The following CADM1 variants were observed in gnomAD, a reference collection of about 807,000 sequenced individuals.
CADM1 encodes TSLC-1.
In CADM1, 15 loss-of-function variants were observed where a neutral mutation model predicts 53.1. That is an observed-to-expected ratio of 0.28 (90% CI 0.19 to 0.44). CADM1 has a LOEUF of 0.44. Ranked by LOEUF, CADM1 falls within the 20% of genes least tolerant of loss-of-function variation. The pLI is 1.00. For missense variants in CADM1, 434 were observed against 611.3 expected (o/e 0.71, Z 3.06); for synonymous variants, 281 against 243.0 (o/e 1.16, Z -1.45).
intron 8 of CADM1, among the ~76,000 whole-genome samples, 198 bp downstream of exon 8, chr11:115,209,376 C>T (rs753151311): frequency 7.2e-5 from 11 of 152,160 alleles, no homozygotes; most frequent in African/African-American, 1.9e-4. Flanking sequence ...AAATATCTGA[C>T]GTACTGTTAA....
chr11:115,214,837 T>G, intron 6 of CADM1, 57 bp from the exon 7 acceptor site: 1 of 1,523,728 alleles, frequency 6.6e-7, no homozygotes, highest in South Asian at 1.1e-5. Flanking sequence ...TGCATCAAAC[T>G]GCTCACCCAC....
At chr11:115,426,618 G>A (rs1017446433) in intron 1 of CADM1, among the ~76,000 whole-genome samples, 3 of 152,040 alleles carry the variant, frequency 2.0e-5, no homozygotes, top group South Asian at 2.1e-4. Flanking sequence ...CTCTCTTTCC[G>A]CTAAGACAAG....
intron 1 of CADM1, among the ~76,000 whole-genome samples, chr11:115,334,018 G>A (rs1237788792): frequency 1.3e-5 from 2 of 152,098 alleles, no homozygotes; most frequent in Non-Finnish European, 2.9e-5. Context: ...TAGCATAAAT[G>A]TTCATTATGC....
chr11:115,372,594 T>A (rs1224238388), intron 1 of CADM1, among the ~76,000 whole-genome samples: 1 of 152,170 alleles, frequency 6.6e-6, no homozygotes, highest in Non-Finnish European at 1.5e-5. Context: ...TAATATTAAA[T>A]GAATGTAAAA....
intron 10 of CADM1, among the ~76,000 whole-genome samples, chr11:115,186,922 C>T (rs1385928804): frequency 2.6e-5 from 4 of 152,308 alleles, no homozygotes; most frequent in African/African-American, 9.6e-5. Flanking sequence ...GGCTCCTGGA[C>T]GCCATGGCAG....
At chr11:115,401,874 G>A (rs1947165851) in intron 1 of CADM1, among the ~76,000 whole-genome samples, 1 of 152,112 alleles carries the variant, frequency 6.6e-6, no homozygotes, top group African/African-American at 2.4e-5. Context: ...GTTGACAACA[G>A]GGAAGGCTAT....
rs1939030709 is a variant in CADM1 at position 115,176,397 on chromosome 11, C to T, written c.*77G>A. 2.5e-6 allele frequency: 4 copies of T among 1,603,414 alleles called. No homozygotes were observed. The highest frequency in any genetic ancestry group is 2.2e-5 in the South Asian group (2 of 90,308). On this transcript the variant is annotated 3_prime_UTR_variant, in exon 12 of 12. Transcript: ENST00000331581. ...TTCATAAAAAAACACACGAATTTCT[C>T]GCAAGTTCCAATATCACTGTCTCTT...
chr11:115,483,873 T>C (rs1311558409), intron 1 of CADM1, among the ~76,000 whole-genome samples: 1 of 152,326 alleles, frequency 6.6e-6, no homozygotes, highest in African/African-American at 2.4e-5. Flanking sequence ...GTTACTATAC[T>C]GAACAGCACA....
intron 1 of CADM1, among the ~76,000 whole-genome samples, chr11:115,444,032 A>G (rs1353547748): frequency 6.6e-6 from 1 of 152,206 alleles, no homozygotes; most frequent in African/African-American, 2.4e-5. Flanking sequence ...AATCAACATT[A>G]GGACCACTAA....
chr11:115,173,969 C>T lies in CADM1; in HGVS notation c.*2505G>A, dbSNP rs1049041319. 1 of 958,128 alleles carries T rather than the reference C, an allele frequency of 1.0e-6. No homozygotes were observed. Among genetic ancestry groups the T allele is most frequent in the South Asian group, 4.8e-5 (1 of 20,692 alleles). 59.4% of individuals were successfully genotyped at this position (958,128 alleles called of 1,614,324 possible). A position where few individuals can be genotyped will look rare whatever the true frequency, so the allele number is the denominator to read the frequency against. ...TCAACCTGTACAAAGTAATACTCAA[C>T]AATACATTTCAAACAGTGCACTGTA... On this transcript the variant is annotated 3_prime_UTR_variant, in exon 12 of 12. Transcript: ENST00000331581.
At chr11:115,278,982 A>C (rs945286040) in intron 1 of CADM1, among the ~76,000 whole-genome samples, 1 of 152,138 alleles carries the variant, frequency 6.6e-6, no homozygotes, top group Non-Finnish European at 1.5e-5. Flanking sequence ...AAAGTAGATA[A>C]TGTGTTCCAC....
chr11:115,250,193 G>A (rs1164551320), intron 1 of CADM1, among the ~76,000 whole-genome samples: 2 of 152,194 alleles, frequency 1.3e-5, no homozygotes, highest in Non-Finnish European at 2.9e-5. Flanking sequence ...ATGAGCCACT[G>A]TGCCCACCCT....
At chr11:115,308,194 GTA>G (rs560354243) in intron 1 of CADM1, among the ~76,000 whole-genome samples, 67 of 123,854 alleles carry the variant, frequency 5.4e-4, no homozygotes, top group Middle Eastern at 4.3e-3. Context: ...TCATAGGTGT[GTA>G]TATATATATA....
intron 1 of CADM1, among the ~76,000 whole-genome samples, chr11:115,432,095 C>T (rs998427479): frequency 2.0e-5 from 3 of 151,914 alleles, no homozygotes; most frequent in African/African-American, 7.3e-5. Context: ...TACAGGTGCA[C>T]GCCACCACAC....
At chr11:115,410,479 G>A (rs968591235) in intron 1 of CADM1, among the ~76,000 whole-genome samples, 1 of 152,056 alleles carries the variant, frequency 6.6e-6, no homozygotes, top group Non-Finnish European at 1.5e-5. Context: ...ACAAAGTCTA[G>A]AGGCAGAATG....
At chr11:115,230,254 G>A (rs985432160) in intron 4 of CADM1, among the ~76,000 whole-genome samples, 1 of 152,088 alleles carries the variant, frequency 6.6e-6, no homozygotes, top group Admixed American at 6.5e-5. Flanking sequence ...TTCTAAAAGG[G>A]CTGATTCTTT....
At chr11:115,362,565 A>G (rs1289601088) in intron 1 of CADM1, among the ~76,000 whole-genome samples, 5 of 152,228 alleles carry the variant, frequency 3.3e-5, no homozygotes, top group Non-Finnish European at 7.3e-5. Flanking sequence ...AAACTGTTTT[A>G]GGGAAAAGCC....
At chr11:115,259,113 G>A (rs1942884505) in intron 1 of CADM1, among the ~76,000 whole-genome samples, 1 of 151,864 alleles carries the variant, frequency 6.6e-6, no homozygotes, top group South Asian at 2.1e-4. Flanking sequence ...AGCCTCCCAA[G>A]TAGCTGGGAC....
chr11:115,253,352 C>A (rs961245127), intron 1 of CADM1, among the ~76,000 whole-genome samples: 7 of 151,616 alleles, frequency 4.6e-5, no homozygotes, highest in Non-Finnish European at 7.4e-5. Flanking sequence ...GGTATTGAGA[C>A]CTTTCCTGCT....
Sources: allele counts gnomAD v4.1 joint callset (sites outside exome capture counted in the v4.1 genomes callset), GRCh38; gene constraint gnomAD v4.1.1; transcripts MANE v1.5; gene names NCBI Gene and HGNC (gene_info 2026-07-23, HGNC 2026-07-21).